The following POTEB3 variants were observed in gnomAD, a reference collection of about 807,000 sequenced individuals.
The protein encoded by POTEB3 is POTE ankyrin domain family member B3, also known as ANKRD26-like family B member 1.
A neutral mutation model predicts 39.8 loss-of-function variants in POTEB3; 5 were observed. The observed-to-expected ratio is 0.13, with a 90% CI of 0.07 to 0.26. POTEB3 has a LOEUF of 0.26. Among genes scored for constraint, POTEB3 ranks in the 10% least tolerant of loss-of-function variants. POTEB3 has a pLI of 1.00. For synonymous variants in POTEB3, 5 were observed against 161.5 expected (o/e 0.03, Z 7.35); for missense variants, 24 against 475.6 (o/e 0.05, Z 8.83).
chr15:21,428,711 G>T (rs1406504783), intron 5 of POTEB3, among the ~76,000 whole-genome samples: 1 of 145,742 alleles, frequency 6.9e-6, no homozygotes, highest in Non-Finnish European at 1.5e-5. Context: ...AATATATTTT[G>T]CACTGAACAC....
chr15:21,410,735 G>T lies in POTEB3; in HGVS notation c.1533+143C>A, dbSNP rs1310479963. 4.1e-5 allele frequency: 21 copies of T among 517,132 alleles called. 6 individuals carry two copies. The highest frequency in any genetic ancestry group is 1.3e-4 in the Admixed American group (3 of 22,282). The allele number at this position is 517,132 out of a possible 1,614,324, so 32.0% of individuals were successfully genotyped here. ...CCAAGGATATACAGGGGGTGTGTGT[G>T]TGTGTGTGTATATATACACACACAC... On this transcript the variant is annotated intron_variant, in intron 10 of 10. Transcript: ENST00000611217.
chr15:21,422,250 GC>G, intron 6 of POTEB3, 60 bp from the exon 7 acceptor site: 1 of 1,510,200 alleles, frequency 6.6e-7, no homozygotes, highest in South Asian at 1.2e-5. Flanking sequence ...AAAAACTATT[GC>G]CTTTATAAAA....
chr15:21,423,124 TGG>T (rs1377413433), intron 6 of POTEB3, among the ~76,000 whole-genome samples: 1 of 143,796 alleles, frequency 7.0e-6, no homozygotes, highest in Non-Finnish European at 1.5e-5. Flanking sequence ...TTGTTTTAGC[TGG>T]GGTCTTGCTC....
At chr15:21,433,646 A>T (rs1899065291) in intron 3 of POTEB3, among the ~76,000 whole-genome samples, 1 of 148,082 alleles carries the variant, frequency 6.8e-6, no homozygotes, top group African/African-American at 2.5e-5. Context: ...TGAAAACACC[A>T]CAAAATTTTC....
intron 3 of POTEB3, among the ~76,000 whole-genome samples, chr15:21,433,945 C>G (rs1899080038): frequency 1.3e-5 from 2 of 150,078 alleles, no homozygotes; most frequent in African/African-American, 5.0e-5. Flanking sequence ...AACTCCCTCT[C>G]CCAAACTGAA....
intron 6 of POTEB3, among the ~76,000 whole-genome samples, chr15:21,426,453 G>A (rs1416386333): frequency 6.7e-6 from 1 of 149,218 alleles, no homozygotes; most frequent in Non-Finnish European, 1.5e-5. Context: ...ACAAGCTCCT[G>A]TCTGTATTTT....
intron 3 of POTEB3, among the ~76,000 whole-genome samples, chr15:21,434,189 T>C (rs1363533114): frequency 1.4e-5 from 2 of 140,602 alleles, no homozygotes; most frequent in African/African-American, 5.6e-5. Flanking sequence ...TCATGAGCAA[T>C]CAGAAATATC....
intron 9 of POTEB3, among the ~76,000 whole-genome samples, chr15:21,417,424 ATAAAAGGTG>A (rs2141347339): frequency 1.5e-5 from 1 of 68,838 alleles, no homozygotes; most frequent in South Asian, 3.5e-4. Flanking sequence ...CAAATTTTAC[ATAAAAGGTG>A]TAGTTTTCAA....
At chr15:21,430,795 C>T (rs1313980295) in intron 4 of POTEB3, among the ~76,000 whole-genome samples, 1 of 151,546 alleles carries the variant, frequency 6.6e-6, no homozygotes, top group African/African-American at 2.4e-5. Context: ...TAAGAGCTCT[C>T]TGCATGCTGA....
In POTEB3 at chr15:21,425,070, T is replaced by C. The variant is rs1178919506; in HGVS notation, c.1126+2615A>G. On this transcript the variant is annotated intron_variant, in intron 6 of 10. Coordinates refer to ENST00000611217, the MANE Select transcript of POTEB3 (RefSeq NM_207355.5). ...CCATGGGCAGGTGAAAACCTTAGAA[T>C]ACATTGATACTAGTCCAAGGATGTG... is the stretch of plus-strand genomic sequence containing the variant. 6.1e-5 allele frequency: 9 copies of C among 146,766 alleles called. 1 individual carries two copies. The highest frequency in any genetic ancestry group is 2.0e-4 in the African/African-American group (8 of 39,356). 9.1% of individuals were successfully genotyped at this position (146,766 alleles called of 1,614,324 possible). A position where few individuals can be genotyped will look rare whatever the true frequency, so the allele number is the denominator to read the frequency against.
intron 4 of POTEB3, among the ~76,000 whole-genome samples, chr15:21,430,792 T>C (rs139365999): frequency 0.11 from 15,116 of 140,178 alleles, 155 homozygotes; most frequent in African/African-American, 0.18. Flanking sequence ...AAATAAGAGC[T>C]CTCTGCATGC....
rs1229131593 is a variant in POTEB3 at position 21,421,361 on chromosome 15, T to G, written c.1198-643A>C. On this transcript the variant is annotated intron_variant, in intron 7 of 10. Transcript: ENST00000611217. Reference sequence around the variant, plus strand: ...ATATTCTAAGGTGTACTAATTACAGTGGATAAAAATTTTTTAATAATCTGT... The same window carrying G: ...ATATTCTAAGGTGTACTAATTACAGGGGATAAAAATTTTTTAATAATCTGT... Among the ~76,000 whole-genome samples, 6 of 135,274 alleles carry G rather than the reference T, an allele frequency of 4.4e-5. No homozygotes were observed. In the East Asian group the frequency reaches 1.2e-3, roughly 28 times the overall value. The allele number at this position is 135,274 out of a possible 152,430, so 88.7% of individuals were successfully genotyped here. A position where few individuals can be genotyped will look rare whatever the true frequency, so the allele number is the denominator to read the frequency against.
At position 21,405,813 on chromosome 15, in the gene POTEB3, T is replaced by A. The variant is rs1898218574; in HGVS notation, c.*3170A>T. On this transcript the variant is annotated 3_prime_UTR_variant, in exon 11 of 11. Transcript: ENST00000611217. ...TCTTTAAGATGTTGAATATCTTTTCTGGCTTGTACAGTTTCAGTTGAGAGG... is the reference window on the plus strand; with the variant it reads ...TCTTTAAGATGTTGAATATCTTTTCAGGCTTGTACAGTTTCAGTTGAGAGG... 3.6e-5 allele frequency among the ~76,000 whole-genome samples: 3 copies of A among 83,540 alleles called. 1 individual carries two copies. The highest frequency in any genetic ancestry group is 6.4e-5 in the Non-Finnish European group (3 of 46,872). The allele number at this position is 83,540 out of a possible 152,430, so 54.8% of individuals were successfully genotyped here.
chr15:21,419,142 T>G (rs1898448427), intron 9 of POTEB3, among the ~76,000 whole-genome samples: 1 of 1,186 alleles, frequency 8.4e-4, no homozygotes, highest in Non-Finnish European at 1.8e-3. Context: ...TTTTGCTTAT[T>G]ATGTGGCTGA....
chr15:21,434,042 C>A (rs1376574568), intron 3 of POTEB3, among the ~76,000 whole-genome samples: 3 of 122,132 alleles, frequency 2.5e-5, no homozygotes, highest in African/African-American at 7.3e-5. Context: ...CACACACACA[C>A]ACACACACAC....
intron 6 of POTEB3, among the ~76,000 whole-genome samples, chr15:21,426,517 T>C (rs1458402681): frequency 6.8e-6 from 1 of 146,612 alleles, no homozygotes; most frequent in Non-Finnish European, 1.5e-5. Context: ...AAAAGACATT[T>C]GATAGTTATT....
At chr15:21,437,899 C>A in intron 1 of POTEB3, among the ~76,000 whole-genome samples, 1 of 63,850 alleles carries the variant, frequency 1.6e-5, no homozygotes, top group African/African-American at 7.6e-5. Flanking sequence ...GTGCATGCCA[C>A]CATGCCCAGC....
chr15:21,428,273 T>A (rs1898808961), intron 5 of POTEB3, among the ~76,000 whole-genome samples: 1 of 144,360 alleles, frequency 6.9e-6, no homozygotes, highest in African/African-American at 2.6e-5. Flanking sequence ...ATGTGTATTT[T>A]GTTCATAGGT....
At chr15:21,432,954 TA>T (rs60113861) in intron 3 of POTEB3, among the ~76,000 whole-genome samples, 13,801 of 67,566 alleles carry the variant, frequency 0.2, 127 homozygotes, top group Non-Finnish European at 0.22. Flanking sequence ...TCATCTCTAC[TA>T]AAAAAAAAAA....
Sources: allele counts gnomAD v4.1 joint callset (sites outside exome capture counted in the v4.1 genomes callset), GRCh38; gene constraint gnomAD v4.1.1; transcripts MANE v1.5; gene names NCBI Gene and HGNC (gene_info 2026-07-23, HGNC 2026-07-21).